Variants in ELP1 observed in about 807,000 individuals in gnomAD.
The protein encoded by ELP1 is elongator acetyltransferase complex subunit 1.
ELP1 carries 131 observed loss-of-function variants against 183.2 expected under a neutral mutation model. The ratio of observed to expected loss-of-function variants is 0.72; its 90% confidence interval spans 0.62 to 0.83. The LOEUF is 0.83. ELP1 is among the 40% of genes least tolerant of loss of function. The probability of loss-of-function intolerance (pLI) is 0.00; values close to 1 mark genes in which losing one functional copy is unlikely to be tolerated. For missense variants in ELP1, 1,550 were observed against 1,594.9 expected (o/e 0.97, Z 0.48); for synonymous variants, 555 against 569.0 (o/e 0.98, Z 0.35).
At chr9:108,878,413 G>T (rs1827783500) in intron 34 of ELP1, among the ~76,000 whole-genome samples, 1 of 152,192 alleles carries the variant, frequency 6.6e-6, no homozygotes, top group Non-Finnish European at 1.5e-5. Flanking sequence ...GTTCAGTTAG[G>T]GGGATGCCAA....
intron 8 of ELP1, among the ~76,000 whole-genome samples, chr9:108,918,466 C>T (rs1325435823): frequency 6.6e-6 from 1 of 152,188 alleles, no homozygotes; most frequent in African/African-American, 2.4e-5. Context: ...GCCTTGCAAA[C>T]TGGGCCTTCC....
intron 36 of ELP1, 112 bp from the exon 37 acceptor site, chr9:108,869,294 C>T: frequency 1.1e-6 from 1 of 881,822 alleles, no homozygotes; most frequent in African/African-American, 1.6e-5. Flanking sequence ...AGCAATAAGA[C>T]CATCAGAGCC....
chr9:108,884,703 A>G (rs4978374), intron 29 of ELP1, among the ~76,000 whole-genome samples: 117,245 of 152,084 alleles, frequency 0.77, 45,360 homozygotes, highest in East Asian at 0.85. Context: ...TTTGTATAAC[A>G]TAACTAAAAC....
Position 108,919,259 on chromosome 9 carries a change from C to T in ELP1, c.643G>A (p.Glu215Lys). Residue 215 changes from glutamate (E) to lysine (K), a missense_variant, in exon 7 of 37, where the codon GAA (glutamate) becomes AAA (lysine). By Grantham distance (56) the Glu-to-Lys change is moderately conservative. Coordinates refer to ENST00000374647, the MANE Select transcript of ELP1 (RefSeq NM_003640.5). ...CTGCAATATATTTCCATACCTGTTT[C>T]TGGGCAAACAACACTCACAGCAAAA... ...QFFAVSVVCP[E>K]TGARKVRVWN... 1 of 1,611,018 alleles carries T rather than the reference C, an allele frequency of 6.2e-7. No individual in the cohort carries two copies. Among genetic ancestry groups the T allele is most frequent in the Non-Finnish European group, 8.5e-7 (1 of 1,177,368 alleles).
intron 29 of ELP1, among the ~76,000 whole-genome samples, chr9:108,882,554 T>C (rs190917473): frequency 3.6e-4 from 54 of 151,924 alleles, no homozygotes; most frequent in African/African-American, 8.0e-4. Context: ...TTTGAAAAAA[T>C]AGTAGACTAG....
At chr9:108,925,750 A>T (rs1829804490) in intron 5 of ELP1, among the ~76,000 whole-genome samples, 1 of 152,002 alleles carries the variant, frequency 6.6e-6, no homozygotes, top group South Asian at 2.1e-4. Context: ...GGGTCTCCCT[A>T]CGTTGCCTAG....
chr9:108,919,542 A>C (rs1487514355), intron 6 of ELP1, among the ~76,000 whole-genome samples, 193 bp from the exon 7 acceptor site: 1 of 152,130 alleles, frequency 6.6e-6, no homozygotes, highest in African/African-American at 2.4e-5. Context: ...AAAAAATGTA[A>C]AACAAACAAA....
intron 12 of ELP1, 54 bp downstream of exon 12, chr9:108,910,956 T>A: frequency 6.5e-7 from 1 of 1,541,428 alleles, no homozygotes; most frequent in Non-Finnish European, 9.0e-7. Context: ...TGCTTTTATG[T>A]AGGAGTAGAA....
chr9:108,877,466 A>G (rs1827744639), intron 35 of ELP1, among the ~76,000 whole-genome samples: 1 of 152,260 alleles, frequency 6.6e-6, no homozygotes, highest in African/African-American at 2.4e-5. Flanking sequence ...GAGAGTGAAC[A>G]GAGGTATAAA....
rs932630829 is a variant in ELP1, at chr9:108,898,852, C to T, written c.2205-103G>A. The T allele has an allele frequency of 5.1e-6, 4 of 786,066 alleles. No individual in the cohort carries two copies. The Admixed American group carries it at 7.7e-5, about 15-fold the overall frequency. The allele number at this position is 786,066 out of a possible 1,614,324, so 48.7% of individuals were successfully genotyped here. On this transcript the variant is annotated intron_variant, in intron 20 of 36. Coordinates refer to ENST00000374647, the MANE Select transcript of ELP1 (RefSeq NM_003640.5). ...ATACAAACCAGTTATAATCAGATTA[C>T]AGCCCCAATGCCAAGCTGCTATCAC...
At chr9:108,898,244 A>C (rs1828630208) in intron 22 of ELP1, among the ~76,000 whole-genome samples, 2 of 152,262 alleles carry the variant, frequency 1.3e-5, no homozygotes, top group Admixed American at 1.3e-4. Flanking sequence ...CCTAGGAAAA[A>C]CAAGTAGTTT....
Position 108,901,499 on chromosome 9 carries a change from T to C in ELP1, c.1940A>G (p.Tyr647Cys). The C allele has an allele frequency of 1.2e-6, 2 of 1,614,098 alleles. No individual in the cohort carries two copies. Among genetic ancestry groups the C allele is most frequent in the Non-Finnish European group, 1.7e-6 (2 of 1,179,954 alleles). The change falls in exon 18 of 37, where the codon TAT becomes TGT. Residue 647 changes from tyrosine to cysteine, a missense_variant. Physicochemically the swap from Tyr to Cys is radical, Grantham distance 194. Coordinates refer to ENST00000374647, the MANE Select transcript of ELP1 (RefSeq NM_003640.5). ...VASNITSFAVYDEFLLLTTHS... is the reference protein window; with the variant it reads ...VASNITSFAVCDEFLLLTTHS... ...GGTTGTCAACAATAAAAACTCATCA[T>C]ATACTGCAAATGACGTGATATTTGA...
chr9:108,877,405 C>T (rs1197660435), intron 35 of ELP1, among the ~76,000 whole-genome samples: 1 of 152,004 alleles, frequency 6.6e-6, no homozygotes, highest in Non-Finnish European at 1.5e-5. Context: ...ACTGATACAC[C>T]AGCCTTTTTG....
At chr9:108,900,975 C>T (rs988356398) in intron 18 of ELP1, among the ~76,000 whole-genome samples, 5 of 150,888 alleles carry the variant, frequency 3.3e-5, no homozygotes, top group African/African-American at 9.8e-5. Flanking sequence ...CACACATACA[C>T]GCCACACACA....
rs750983215 is a variant in ELP1, at chr9:108,894,005, C to T, written c.2798G>A (p.Arg933Gln). Residue 933 changes from arginine (R) to glutamine (Q), a missense_variant, in exon 26 of 37, where the codon CGG becomes CAG. By Grantham distance (43) the Arg-to-Gln change is conservative. Transcript: ENST00000374647. ...TTTCAAGTATTTGTCTATAGTAAAC[C>T]GCTGATAATTAGTTTCCATTTTCTT... The part of the protein sequence containing the change: ...TLKKMETNYQ[R>Q]FTIDKYLKRY... The T allele has an allele frequency of 4.4e-6, 7 of 1,602,152 alleles. No individual in the cohort carries two copies. Among genetic ancestry groups the T allele is most frequent in the African/African-American group, 2.7e-5 (2 of 74,626 alleles).
rs781333644 is a variant in ELP1, at chr9:108,878,679, T to TC, written c.3643dup (p.Asp1215GlyfsTer10). 7 of 1,614,014 alleles carry TC rather than the reference T, an allele frequency of 4.3e-6. No homozygotes were observed. In the South Asian group the frequency reaches 4.4e-5, roughly 10 times the overall value. Reference sequence around the variant, plus strand: ...ACTCAGTGCCTCCAGGAGGGCCAGGTCCTCCAGCGGACTGCCTTCTTTGAG... The same window carrying TC: ...ACTCAGTGCCTCCAGGAGGGCCAGGTCCCTCCAGCGGACTGCCTTCTTTGAG... On this transcript the variant is annotated frameshift_variant, in exon 34 of 37. Coordinates refer to ENST00000374647, the MANE Select transcript of ELP1 (RefSeq NM_003640.5). LOFTEE classifies it high-confidence loss of function.
chr9:108,892,709 C>T (rs1402623057), intron 27 of ELP1, among the ~76,000 whole-genome samples: 1 of 152,018 alleles, frequency 6.6e-6, no homozygotes, highest in African/African-American at 2.4e-5. Context: ...AAGATCTGTA[C>T]TTGTTAGGAT....
intron 34 of ELP1, 41 bp downstream of exon 34, chr9:108,878,582 T>C (rs761120594): frequency 2.4e-5 from 38 of 1,613,514 alleles, no homozygotes; most frequent in Admixed American, 1.7e-4. Context: ...CTATTCACTA[T>C]TGTTTGTGGT....
intron 14 of ELP1, among the ~76,000 whole-genome samples, chr9:108,904,540 C>A (rs1010621477): frequency 7.9e-5 from 12 of 152,264 alleles, no homozygotes; most frequent in Middle Eastern, 3.4e-3. Context: ...AACATTATAA[C>A]AATAGGGAAT....
Sources: allele counts gnomAD v4.1 joint callset (sites outside exome capture counted in the v4.1 genomes callset), GRCh38; gene constraint gnomAD v4.1.1; transcripts MANE v1.5; gene names NCBI Gene and HGNC (gene_info 2026-07-23, HGNC 2026-07-21).